Variants in UNC79 observed in about 807,000 individuals in gnomAD.
UNC79 encodes the protein protein unc-79 homolog.
UNC79 carries 37 observed loss-of-function variants against 283.1 expected under a neutral mutation model. The ratio of observed to expected loss-of-function variants is 0.13; its 90% confidence interval spans 0.10 to 0.17. The LOEUF (loss-of-function observed/expected upper bound fraction) is 0.17. Ranked by LOEUF, UNC79 falls within the 10% of genes least tolerant of loss-of-function variation. UNC79 has a pLI of 1.00. For synonymous variants in UNC79, 1,107 were observed against 1,200.2 expected (o/e 0.92, Z 1.61); for missense variants, 2,272 against 3,211.1 (o/e 0.71, Z 7.07).
chr14:93,443,270 T>C (rs1433564637), intron 1 of UNC79, among the ~76,000 whole-genome samples: 1 of 150,658 alleles, frequency 6.6e-6, no homozygotes, highest in Non-Finnish European at 1.5e-5. Flanking sequence ...CTTATCCTTA[T>C]CTTAGAAAGA....
At chr14:93,684,906 G>A (rs2074122858) in intron 42 of UNC79, among the ~76,000 whole-genome samples, 1 of 152,172 alleles carries the variant, frequency 6.6e-6, no homozygotes, top group South Asian at 2.1e-4. Flanking sequence ...TGAAATAAAT[G>A]TAGCTCTTCT....
chr14:93,571,903 T>C (rs1434262701), exon 15 of UNC79: 2 of 1,613,842 alleles, frequency 1.2e-6, no homozygotes, highest in Non-Finnish European at 1.7e-6. Context: ...GGTTGGTGGC[T>C]ACTGGGATAA....
rs2074586179 is a variant in UNC79, at chr14:93,690,343, A to G, written c.7272+40A>G. The G allele has an allele frequency of 6.3e-7, 1 of 1,580,664 alleles. No homozygotes were observed. ...CAAGATTAAGACCGTATGCATCGCA[A>G]TTGCTAATGGAAACCTTATCAGCCA... On this transcript the variant is annotated intron_variant, in intron 45 of 48. Coordinates refer to ENST00000555664, the Ensembl canonical transcript of UNC79. The surrounding 1 kb of genome is among the most constrained non-coding windows in gnomAD (Gnocchi z 4.3).
intron 24 of UNC79, among the ~76,000 whole-genome samples, chr14:93,598,221 C>G (rs1310061616): frequency 6.6e-6 from 1 of 152,092 alleles, no homozygotes; most frequent in Non-Finnish European, 1.5e-5. Flanking sequence ...GAACTCCTGG[C>G]CTCCAGCAAT....
rs1058593 is a variant in UNC79, at chr14:93,690,222, C to T, written c.7191C>T (p.Cys2397=). ...TGTGCCCAAATGCCTCCTCTCCCTG[C>T]CTGCCCATTCCTCTGGATGCAGGCT... The change falls in exon 45 of 49, where the codon TGC becomes TGT. Residue 2397 remains cysteine (C), a synonymous_variant. Transcript: ENST00000555664. The surrounding 1 kb of genome is among the most constrained non-coding windows in gnomAD (Gnocchi z 4.3). 1 of 1,614,196 alleles carries T rather than the reference C, an allele frequency of 6.2e-7. No homozygotes were observed. Among genetic ancestry groups the T allele is most frequent in the Non-Finnish European group, 8.5e-7 (1 of 1,180,036 alleles).
chr14:93,666,289 G>A (rs528238864), intron 40 of UNC79, among the ~76,000 whole-genome samples: 34 of 152,234 alleles, frequency 2.2e-4, no homozygotes, highest in African/African-American at 7.2e-4. Context: ...AGAACAAGCT[G>A]TAATAAGCAC....
chr14:93,682,879 T>TA (rs2073952430), intron 42 of UNC79, among the ~76,000 whole-genome samples, 185 bp downstream of exon 45: 1 of 152,256 alleles, frequency 6.6e-6, no homozygotes, highest in African/African-American at 2.4e-5. Context: ...TAACAGGGTT[T>TA]AACATATAGT....
chr14:93,548,106 C>CA (rs1304570417), intron 14 of UNC79, among the ~76,000 whole-genome samples: 1 of 152,080 alleles, frequency 6.6e-6, no homozygotes, highest in Non-Finnish European at 1.5e-5. Context: ...GTTTGGGCTG[C>CA]AAAAAAATAC....
chr14:93,618,458 G>GT, intron 29 of UNC79, 104 bp downstream of exon 30: 2 of 1,193,576 alleles, frequency 1.7e-6, no homozygotes, highest in East Asian at 6.0e-5. Flanking sequence ...TCATTCTGGA[G>GT]TAAAAAAAAA....
chr14:93,473,998 G>A (rs1422345877), intron 2 of UNC79, 91 bp from the exon 3 acceptor site: 2 of 1,405,706 alleles, frequency 1.4e-6, no homozygotes, highest in Non-Finnish European at 1.9e-6. Context: ...TGTATCTGGT[G>A]TTTTATTATT....
intron 14 of UNC79, among the ~76,000 whole-genome samples, chr14:93,563,771 G>A (rs978872503): frequency 3.3e-5 from 5 of 152,196 alleles, no homozygotes; most frequent in African/African-American, 1.2e-4. Flanking sequence ...GGGGTCAGGT[G>A]TAGTATCCAG....
At chr14:93,648,000 T>C (rs1375900277) in intron 35 of UNC79, among the ~76,000 whole-genome samples, 2 of 152,220 alleles carry the variant, frequency 1.3e-5, no homozygotes, top group Non-Finnish European at 2.9e-5. Context: ...ACCACCCCTA[T>C]GATTCAGTTA....
intron 31 of UNC79, among the ~76,000 whole-genome samples, chr14:93,633,454 T>C (rs2068214627): frequency 6.6e-6 from 1 of 152,220 alleles, no homozygotes; most frequent in South Asian, 2.1e-4. Flanking sequence ...AATGTGTGTA[T>C]AACATTGAAG....
chr14:93,600,442 A>G, intron 24 of UNC79, 127 bp from the exon 25 acceptor site: 1 of 614,690 alleles, frequency 1.6e-6, no homozygotes, highest in African/African-American at 1.8e-5. Context: ...ATCATTCTAC[A>G]TTATAAGTTT....
chr14:93,435,504 A>T (rs1379618486), intron 1 of UNC79, among the ~76,000 whole-genome samples: 2 of 152,180 alleles, frequency 1.3e-5, no homozygotes, highest in African/African-American at 2.4e-5. Flanking sequence ...CTTGCATGGT[A>T]TCATCTACGA....
At chr14:93,494,373 C>G (rs2058918388) in intron 5 of UNC79, among the ~76,000 whole-genome samples, 1 of 152,142 alleles carries the variant, frequency 6.6e-6, no homozygotes, top group East Asian at 1.9e-4. Flanking sequence ...GACACAGATG[C>G]AAACTGTAAC....
chr14:93,610,205 G>A (rs1163487538), intron 26 of UNC79, among the ~76,000 whole-genome samples: 1 of 152,200 alleles, frequency 6.6e-6, no homozygotes, highest in Non-Finnish European at 1.5e-5. Context: ...GGAAGGAAAT[G>A]GGCAGGGTCC....
intron 26 of UNC79, among the ~76,000 whole-genome samples, chr14:93,609,030 TG>T (rs1486566610): frequency 1.3e-5 from 2 of 152,204 alleles, no homozygotes; most frequent in Non-Finnish European, 2.9e-5. Context: ...ATTGGCCACA[TG>T]GGAGTTAGGA....
At chr14:93,447,230 C>T (rs889186112) in intron 1 of UNC79, among the ~76,000 whole-genome samples, 14 of 152,020 alleles carry the variant, frequency 9.2e-5, no homozygotes, top group African/African-American at 2.9e-4. Context: ...GCTTATGTTT[C>T]CCATTCATTT....
Sources: gnomAD v4.1 joint callset for allele counts (sites outside exome capture counted in the v4.1 genomes callset) on GRCh38, gnomAD v4.1.1 for gene constraint, Gnocchi (gnomAD v3.1) non-coding constraint, MANE v1.5 for transcripts, NCBI Gene and HGNC (gene_info 2026-07-23, HGNC 2026-07-21) for gene names.